The following PHKB variants were observed in gnomAD, a reference collection of about 807,000 sequenced individuals.
The protein encoded by PHKB is phosphorylase b kinase regulatory subunit beta.
PHKB carries 122 observed loss-of-function variants against 152.1 expected under a neutral mutation model. The observed-to-expected ratio is 0.80, with a 90% CI of 0.69 to 0.93. The LOEUF is 0.93. Ranked by LOEUF, PHKB falls within the 40% of genes least tolerant of loss-of-function variation. The pLI, the probability that PHKB is intolerant of heterozygous loss-of-function variation, is 0.00. For synonymous variants in PHKB, 436 were observed against 464.9 expected, an observed-to-expected ratio of 0.94 and a Z score of 0.80; for missense variants, 1,304 against 1,328.4, an observed-to-expected ratio of 0.98 and a Z score of 0.29.
At chr16:47,531,401 A>G (rs1970859751) in intron 6 of PHKB, among the ~76,000 whole-genome samples, 1 of 152,096 alleles carries the variant, frequency 6.6e-6, no homozygotes, top group Admixed American at 6.6e-5. Context: ...AACCCGGTAG[A>G]GTTTTTGTTT....
chr16:47,562,821 C>T (rs1330509379), intron 7 of PHKB, among the ~76,000 whole-genome samples: 1 of 152,180 alleles, frequency 6.6e-6, no homozygotes, highest in Non-Finnish European at 1.5e-5. Flanking sequence ...AGCATTATAC[C>T]CACATTAGAA....
chr16:47,572,865 G>A (rs775661899), intron 7 of PHKB, among the ~76,000 whole-genome samples: 7 of 152,266 alleles, frequency 4.6e-5, no homozygotes, highest in Non-Finnish European at 7.3e-5. Context: ...CCTGAGCACC[G>A]TGTTATGATG....
At chr16:47,687,255 C>T (rs1315532056) in intron 26 of PHKB, among the ~76,000 whole-genome samples, 2 of 152,120 alleles carry the variant, frequency 1.3e-5, no homozygotes, top group Non-Finnish European at 2.9e-5. Flanking sequence ...TATAACTTTT[C>T]GTTTTAAAGA....
rs376684514 is a variant in PHKB, at chr16:47,593,190, GGA to G, written c.1069-296_1069-295del. Among the ~76,000 whole-genome samples the G allele has an allele frequency of 7.0e-3, 989 of 140,288 alleles. 14 individuals are homozygous for G. Among genetic ancestry groups the G allele is most frequent in the African/African-American group, 0.025 (944 of 37,990 alleles). 92.0% of individuals were successfully genotyped at this position (140,288 alleles called of 152,430 possible). A position where few individuals can be genotyped will look rare whatever the true frequency, so the allele number is the denominator to read the frequency against. On this transcript the variant is annotated intron_variant, in intron 10 of 30. Coordinates refer to ENST00000323584, the MANE Select transcript of PHKB (RefSeq NM_000293.3). ...GAGAGGGAGAGAGAGAGAGAGGGAG[GGA>G]GAGAGAGAGAGAGGGAGAAAGAAAG...
At chr16:47,630,121 A>G (rs1398714886) in intron 14 of PHKB, among the ~76,000 whole-genome samples, 1 of 152,122 alleles carries the variant, frequency 6.6e-6, no homozygotes, top group Non-Finnish European at 1.5e-5. Flanking sequence ...ACATGTATAC[A>G]TATGTAACTA....
At chr16:47,530,589 TG>T (rs1970845588) in intron 6 of PHKB, among the ~76,000 whole-genome samples, 1 of 152,216 alleles carries the variant, frequency 6.6e-6, no homozygotes, top group African/African-American at 2.4e-5. Flanking sequence ...TAAATTGAAA[TG>T]AATTCTTAGA....
chr16:47,462,554 A>T (rs1969587059), intron 1 of PHKB: 1 of 152,136 alleles, frequency 6.6e-6, no homozygotes, highest in South Asian at 2.1e-4. Context: ...GAATTGCTTG[A>T]ACCTGGGAGG....
chr16:47,583,855 A>G lies in PHKB; in HGVS notation c.774+3497A>G, dbSNP rs372852864. Reference sequence around the variant, plus strand: ...TTAAGCTGTTTTTTGCTTAATAATTATTGAGCTTCTGAAAGAGGTATCCAT... The same window carrying G: ...TTAAGCTGTTTTTTGCTTAATAATTGTTGAGCTTCTGAAAGAGGTATCCAT... On this transcript the variant is annotated intron_variant, in intron 8 of 30. Transcript: ENST00000323584. Among the ~76,000 whole-genome samples the G allele has an allele frequency of 3.3e-5, 5 of 152,276 alleles. No individual in the cohort carries two copies. The East Asian group carries it at 9.6e-4, about 29-fold the overall frequency.
intron 6 of PHKB, among the ~76,000 whole-genome samples, chr16:47,535,188 A>T (rs1157314138): frequency 6.6e-6 from 1 of 152,238 alleles, no homozygotes; most frequent in Non-Finnish European, 1.5e-5. Flanking sequence ...ACCTTCATTA[A>T]GACAAATTAA....
intron 14 of PHKB, among the ~76,000 whole-genome samples, chr16:47,626,565 A>G (rs1039693394): frequency 6.6e-6 from 1 of 152,150 alleles, no homozygotes; most frequent in Non-Finnish European, 1.5e-5. Flanking sequence ...TTCTCTAGTG[A>G]ACTGAAAAGT....
In PHKB at chr16:47,595,309, G is replaced by A. The variant is rs377372658; in HGVS notation, c.1205-1064G>A. On this transcript the variant is annotated intron_variant, in intron 12 of 30. Coordinates refer to ENST00000323584, the MANE Select transcript of PHKB (RefSeq NM_000293.3). The stretch of plus-strand genomic sequence containing the variant: ...CTTACTGATTTTAGACACAAATATT[G>A]TTGATTGATATGTAAGGAAGCAAAA... 1.1e-4 allele frequency among the ~76,000 whole-genome samples: 16 copies of A among 152,202 alleles called. 1 individual carries two copies. The South Asian group carries it at 3.3e-3, about 32-fold the overall frequency.
At chr16:47,608,683 A>C (rs1972371836) in intron 13 of PHKB, among the ~76,000 whole-genome samples, 1 of 152,238 alleles carries the variant, frequency 6.6e-6, no homozygotes, top group South Asian at 2.1e-4. Flanking sequence ...CCTGAGCAAC[A>C]GAGCAAGACT....
In PHKB at chr16:47,666,020, G is replaced by A. The variant is rs1131070; in HGVS notation, c.2427+1045G>A. ...CCCCATCCATTACTAATGTTTTAGT[G>A]CAGGGCAAACAGGTAAGTATTTGCT... On this transcript the variant is annotated intron_variant, in intron 25 of 30. Coordinates refer to ENST00000323584, the MANE Select transcript of PHKB (RefSeq NM_000293.3). 2.5e-6 allele frequency: 4 copies of A among 1,610,602 alleles called. No individual in the cohort carries two copies. The African/African-American group carries it at 5.3e-5, about 22-fold the overall frequency.
intron 1 of PHKB, among the ~76,000 whole-genome samples, chr16:47,494,617 T>C (rs1220131849): frequency 6.6e-6 from 1 of 152,218 alleles, no homozygotes; most frequent in Non-Finnish European, 1.5e-5. Flanking sequence ...CTCCTATCAT[T>C]GATAAGTTTT....
At chr16:47,548,183 TAGG>T (rs1371279177) in intron 7 of PHKB, 3 of 152,632 alleles carry the variant, frequency 2.0e-5, no homozygotes, top group Non-Finnish European at 4.4e-5. Flanking sequence ...GTTTTATGCC[TAGG>T]AGATCATATT....
At chr16:47,680,205 A>C (rs983056569) in intron 26 of PHKB, among the ~76,000 whole-genome samples, 8 of 152,174 alleles carry the variant, frequency 5.3e-5, no homozygotes, top group Non-Finnish European at 8.8e-5. Context: ...ATCAATGTTC[A>C]TCAAGGATAT....
intron 6 of PHKB, among the ~76,000 whole-genome samples, chr16:47,519,527 G>A (rs1006455921): frequency 5.3e-5 from 8 of 152,176 alleles, no homozygotes; most frequent in Admixed American, 2.6e-4. Context: ...GGAAGCCTCA[G>A]TTTCTCCCCA....
chr16:47,593,174 AGAGAGAGAGAGGGAGG>A (rs1362194504), intron 10 of PHKB, among the ~76,000 whole-genome samples: 5 of 135,192 alleles, frequency 3.7e-5, no homozygotes, highest in Non-Finnish European at 6.4e-5. Context: ...GGAGAGGGAG[AGAGAGAGAGAGGGAGG>A]GAGAGAGAGA....
chr16:47,538,155 G>A (rs550284172), intron 6 of PHKB, among the ~76,000 whole-genome samples: 4 of 152,176 alleles, frequency 2.6e-5, no homozygotes, highest in East Asian at 1.9e-4. Context: ...TCAGCCTCCC[G>A]AAGTGCTAGG....
Sources: allele counts gnomAD v4.1 joint callset (sites outside exome capture counted in the v4.1 genomes callset), GRCh38; gene constraint gnomAD v4.1.1; transcripts MANE v1.5; gene names NCBI Gene and HGNC (gene_info 2026-07-23, HGNC 2026-07-21).